DNM3: variants seen among roughly 807,000 people sequenced by gnomAD.
DNM3 encodes dynamin-3.
A neutral mutation model predicts 101.6 loss-of-function variants in DNM3; 47 were observed. The ratio of observed to expected loss-of-function variants is 0.46; its 90% CI spans 0.37 to 0.59. The LOEUF (loss-of-function observed/expected upper bound fraction) is 0.59, where lower values mean the gene tolerates loss of function less well. Among genes scored for constraint, DNM3 ranks in the 20% least tolerant of loss-of-function variants. The pLI is 0.00. For synonymous variants in DNM3, 385 were observed against 387.9 expected, an observed-to-expected ratio of 0.99 and a Z score of 0.09; for missense variants, 849 against 1,085.7, an observed-to-expected ratio of 0.78 and a Z score of 3.06.
intron 8 of DNM3, among the ~76,000 whole-genome samples, chr1:172,042,756 G>T (rs1158589156): frequency 6.6e-6 from 1 of 152,106 alleles, no homozygotes; most frequent in Non-Finnish European, 1.5e-5. Context: ...AAGGAGAGGG[G>T]CATGAAGTGA....
At chr1:172,265,260 A>T (rs1403340445) in intron 15 of DNM3, among the ~76,000 whole-genome samples, 2 of 151,928 alleles carry the variant, frequency 1.3e-5, no homozygotes, top group Non-Finnish European at 2.9e-5. Context: ...TTAAAAAAAA[A>T]AAGGCTTCGG....
chr1:172,089,301 G>C (rs922285182), intron 12 of DNM3, among the ~76,000 whole-genome samples: 1 of 152,074 alleles, frequency 6.6e-6, no homozygotes, highest in African/African-American at 2.4e-5. Context: ...ATGCTACGGA[G>C]TTCGTGCCCT....
chr1:172,215,713 A>G (rs1284369625), intron 14 of DNM3, among the ~76,000 whole-genome samples: 3 of 152,062 alleles, frequency 2.0e-5, no homozygotes, highest in Admixed American at 6.6e-5. Context: ...GTTGGACTCA[A>G]TAGTCATCTT....
chr1:172,098,481 A>G lies in DNM3; in HGVS notation c.1545+5606A>G, dbSNP rs571997195. ...CAGAGTTCATATTGTTCAAACACAC[A>G]TGCTCTACAAACAATTTGTGCAGTT... is the stretch of plus-strand genomic sequence containing the variant. On this transcript the variant is annotated intron_variant, in intron 13 of 20. Coordinates refer to ENST00000627582, the MANE Select transcript of DNM3 (RefSeq NM_015569.5). 1.4e-4 allele frequency among the ~76,000 whole-genome samples: 22 copies of G among 152,290 alleles called. No homozygotes were observed. The East Asian group carries it at 4.1e-3, about 28-fold the overall frequency.
At chr1:172,249,443 A>G (rs1373008691) in intron 14 of DNM3, among the ~76,000 whole-genome samples, 1 of 152,090 alleles carries the variant, frequency 6.6e-6, no homozygotes, top group African/African-American at 2.4e-5. Context: ...AACTCTTGCC[A>G]AGTGAATTCA....
chr1:172,351,130 G>A (rs1252618074), intron 17 of DNM3, among the ~76,000 whole-genome samples: 1 of 152,050 alleles, frequency 6.6e-6, no homozygotes, highest in Admixed American at 6.6e-5. Context: ...AAAATTTAGT[G>A]CCACAAATGT....
chr1:172,068,961 G>T (rs1297266687), intron 11 of DNM3, 56 bp downstream of exon 11: 10 of 1,488,066 alleles, frequency 6.7e-6, no homozygotes, highest in Non-Finnish European at 9.2e-6. Flanking sequence ...GAAGGTCTCT[G>T]CAAGGTTGTC....
intron 4 of DNM3, among the ~76,000 whole-genome samples, chr1:172,028,784 T>C (rs1157192550): frequency 6.6e-6 from 1 of 152,196 alleles, no homozygotes; most frequent in African/African-American, 2.4e-5. Flanking sequence ...TAAACACCTC[T>C]ATGCAAATAA....
chr1:172,047,519 C>A (rs539875750), intron 9 of DNM3, among the ~76,000 whole-genome samples: 5 of 151,932 alleles, frequency 3.3e-5, no homozygotes, highest in African/African-American at 1.2e-4. Context: ...ACATAGGGTA[C>A]GTGAAAGGTG....
chr1:171,971,824 C>G (rs986443974), intron 2 of DNM3, among the ~76,000 whole-genome samples: 14 of 152,066 alleles, frequency 9.2e-5, no homozygotes, highest in Non-Finnish European at 1.6e-4. Flanking sequence ...AAAATGAAGT[C>G]CAGACAGCAA....
intron 14 of DNM3, among the ~76,000 whole-genome samples, chr1:172,244,200 AT>A (rs1474276618): frequency 1.3e-5 from 2 of 151,806 alleles, no homozygotes; most frequent in East Asian, 3.9e-4. Flanking sequence ...TGAACTCATC[AT>A]TTTTTATGGC....
At chr1:172,235,138 TCAAA>T (rs1255982164) in intron 14 of DNM3, among the ~76,000 whole-genome samples, 1 of 151,844 alleles carries the variant, frequency 6.6e-6, no homozygotes, top group Non-Finnish European at 1.5e-5. Context: ...TACAAAGAAC[TCAAA>T]CAAATTTACA....
At chr1:172,260,002 T>G (rs1055524117) in intron 15 of DNM3, among the ~76,000 whole-genome samples, 1 of 152,012 alleles carries the variant, frequency 6.6e-6, no homozygotes, top group Non-Finnish European at 1.5e-5. Context: ...GTATTTCTTA[T>G]AGGGGTGGTC....
At chr1:172,171,047 T>G (rs753679661) in intron 14 of DNM3, among the ~76,000 whole-genome samples, 4 of 151,776 alleles carry the variant, frequency 2.6e-5, no homozygotes, top group Non-Finnish European at 5.9e-5. Context: ...ATGCTGGTCT[T>G]GTTTGTTTGC....
chr1:172,021,228 T>C (rs1226949333), intron 4 of DNM3, among the ~76,000 whole-genome samples: 3 of 152,214 alleles, frequency 2.0e-5, no homozygotes, highest in Non-Finnish European at 4.4e-5. Context: ...CTCAATACTT[T>C]GGGAGGCCAA....
rs768010867 is a variant in DNM3, at chr1:172,076,704, C to T, written c.1423-5128C>T. 5.9e-5 allele frequency among the ~76,000 whole-genome samples: 9 copies of T among 152,130 alleles called. No homozygotes were observed. The East Asian group carries it at 9.6e-4, about 16-fold the overall frequency. ...GTGGAGAAGCTTTTTGATGTGCTGC[C>T]GGATTCAGTTTGCCAGTATTTTATT... On this transcript the variant is annotated intron_variant, in intron 11 of 20. Coordinates refer to ENST00000627582, the MANE Select transcript of DNM3 (RefSeq NM_015569.5).
At chr1:172,185,453 T>A (rs890684483) in intron 14 of DNM3, among the ~76,000 whole-genome samples, 1 of 152,104 alleles carries the variant, frequency 6.6e-6, no homozygotes, top group African/African-American at 2.4e-5. Context: ...TAGCTCTCTA[T>A]TGGAAACCAT....
chr1:172,319,803 C>G (rs2065603597), intron 16 of DNM3, among the ~76,000 whole-genome samples: 2 of 152,128 alleles, frequency 1.3e-5, no homozygotes, highest in Non-Finnish European at 1.5e-5. Context: ...ACTAGTTCAA[C>G]CATTGTGGAA....
At chr1:172,190,049 A>G (rs1298396985) in intron 14 of DNM3, among the ~76,000 whole-genome samples, 11 of 146,792 alleles carry the variant, frequency 7.5e-5, no homozygotes, top group Non-Finnish European at 1.5e-4. Context: ...TCTAGGGTAC[A>G]TGTGCACAAC....
Sources: gnomAD v4.1 joint callset for allele counts (sites outside exome capture counted in the v4.1 genomes callset) on GRCh38, gnomAD v4.1.1 for gene constraint, MANE v1.5 for transcripts, NCBI Gene and HGNC (gene_info 2026-07-23, HGNC 2026-07-21) for gene names.